Variants in PCTP observed in about 807,000 individuals in gnomAD.
PCTP encodes phosphatidylcholine transfer protein.
In PCTP, 27 loss-of-function variants were observed where a neutral mutation model predicts 31.0. The observed-to-expected ratio is 0.87, with a 90% CI of 0.64 to 1.20. The LOEUF is 1.20. Among genes scored for constraint, PCTP ranks in the 50% most tolerant of loss-of-function variants. The pLI, the probability that PCTP is intolerant of heterozygous loss-of-function variation, is 0.00. For synonymous variants in PCTP, 108 were observed against 101.2 expected (o/e 1.07, Z -0.40); for missense variants, 287 against 268.2 (o/e 1.07, Z -0.49).
intron 3 of PCTP, among the ~76,000 whole-genome samples, chr17:55,795,082 G>A (rs1015434570): frequency 6.6e-6 from 1 of 151,806 alleles, no homozygotes; most frequent in Non-Finnish European, 1.5e-5. Context: ...CTTTTCACCA[G>A]TGCCTAAAAC....
intron 3 of PCTP, among the ~76,000 whole-genome samples, chr17:55,803,380 A>G (rs1912454249): frequency 1.3e-5 from 2 of 152,214 alleles, no homozygotes; most frequent in African/African-American, 2.4e-5. Flanking sequence ...ATATGGAAAC[A>G]AAAAAGAGCC....
intron 3 of PCTP, among the ~76,000 whole-genome samples, chr17:55,803,931 G>A (rs62512799): frequency 4.1e-5 from 6 of 147,664 alleles, no homozygotes; most frequent in Non-Finnish European, 7.4e-5. Context: ...ACAGGCAACC[G>A]ACAGAATGGG....
At chr17:55,751,576 C>T (rs1410505008) in intron 1 of PCTP, 10 of 1,298,058 alleles carry the variant, frequency 7.7e-6, no homozygotes, top group Non-Finnish European at 1.0e-5. Flanking sequence ...GGACGTTGAT[C>T]CTCACTCTCC....
intron 3 of PCTP, among the ~76,000 whole-genome samples, chr17:55,803,869 T>A (rs1912477116): frequency 7.0e-6 from 1 of 143,034 alleles, no homozygotes. Context: ...TGGATCTAAT[T>A]AAACTAAAGA....
chr17:55,778,190 G>C (rs1331221712), downstream of PCTP, among the ~76,000 whole-genome samples: 1 of 145,466 alleles, frequency 6.9e-6, no homozygotes, highest in African/African-American at 2.6e-5. Context: ...AAACTCTTGA[G>C]CTATAGTAAG....
chr17:55,818,624 T>C (rs1460383447), intron 3 of PCTP, among the ~76,000 whole-genome samples: 2 of 152,138 alleles, frequency 1.3e-5, no homozygotes, highest in Admixed American at 6.5e-5. Flanking sequence ...AAAGTGGTCA[T>C]GAAATATTTG....
intron 1 of PCTP, among the ~76,000 whole-genome samples, chr17:55,763,381 A>G (rs566801428): frequency 6.6e-5 from 10 of 152,326 alleles, no homozygotes; most frequent in African/African-American, 1.9e-4. Flanking sequence ...TGTAAAAAGT[A>G]TAAAGAGCCT....
At chr17:55,849,830 C>G in the PCTP span, among the ~76,000 whole-genome samples, 1 of 151,900 alleles carries the variant, frequency 6.6e-6, no homozygotes, top group Non-Finnish European at 1.5e-5. Context: ...AAAATTTTAG[C>G]AAATTGAATT....
chr17:55,824,302 G>A (rs1905327215), downstream of PCTP, among the ~76,000 whole-genome samples: 1 of 151,656 alleles, frequency 6.6e-6, no homozygotes, highest in African/African-American at 2.4e-5. Context: ...CTAAGTGTAG[G>A]TGCCACTAAC....
intron 1 of PCTP, among the ~76,000 whole-genome samples, chr17:55,755,421 T>A (rs577322341): frequency 6.6e-6 from 1 of 152,302 alleles, no homozygotes; most frequent in South Asian, 2.1e-4. Context: ...AAAGTTACTG[T>A]TACATGTTTT....
chr17:55,758,904 GCCAAGCTTT>G (rs1910190930), intron 1 of PCTP, among the ~76,000 whole-genome samples: 5 of 152,210 alleles, frequency 3.3e-5, no homozygotes, highest in African/African-American at 1.2e-4. Context: ...CCAGGTATAA[GCCAAGCTTT>G]ATGCTCTCAC....
chr17:55,822,672 C>T (rs1381981158), intron 3 of PCTP: 4 of 573,382 alleles, frequency 7.0e-6, no homozygotes, highest in Admixed American at 4.4e-5. Context: ...ACTATCCAAA[C>T]CCCTTATTCT....
At chr17:55,804,812 T>C (rs899135192) in intron 3 of PCTP, among the ~76,000 whole-genome samples, 1 of 152,116 alleles carries the variant, frequency 6.6e-6, no homozygotes, top group Non-Finnish European at 1.5e-5. Flanking sequence ...TGTATACTTA[T>C]GTAACATACC....
chr17:55,798,008 G>C (rs1912239571), intron 3 of PCTP, among the ~76,000 whole-genome samples: 1 of 151,722 alleles, frequency 6.6e-6, no homozygotes, highest in South Asian at 2.1e-4. Context: ...TAAATAAAAA[G>C]ATGGAAAACT....
chr17:55,761,619 A>T (rs1910345158), intron 1 of PCTP, among the ~76,000 whole-genome samples: 2 of 147,912 alleles, frequency 1.4e-5, no homozygotes, highest in African/African-American at 2.5e-5. Context: ...GTAGAATAAT[A>T]TTTCTATATA....
intron 3 of PCTP, among the ~76,000 whole-genome samples, chr17:55,810,019 G>A (rs956834781): frequency 2.0e-5 from 3 of 151,780 alleles, no homozygotes; most frequent in Non-Finnish European, 4.4e-5. Flanking sequence ...AGCAAAGTCA[G>A]TATTACTATT....
chr17:55,760,364 A>G (rs907717335), intron 1 of PCTP, among the ~76,000 whole-genome samples: 1 of 152,254 alleles, frequency 6.6e-6, no homozygotes, highest in Non-Finnish European at 1.5e-5. Context: ...AATGGGAATG[A>G]TATCTAATAT....
chr17:55,809,287 C>T (rs1219031766), intron 3 of PCTP, among the ~76,000 whole-genome samples: 1 of 152,082 alleles, frequency 6.6e-6, no homozygotes, highest in Admixed American at 6.5e-5. Flanking sequence ...ACTTATTTTT[C>T]CTTTATTTGA....
intron 3 of PCTP, among the ~76,000 whole-genome samples, chr17:55,800,632 T>C (rs930517520): frequency 2.0e-5 from 3 of 152,090 alleles, no homozygotes; most frequent in African/African-American, 7.2e-5. Context: ...TGAGGAGTTG[T>C]GATCCTTTGG....
Sources: allele counts gnomAD v4.1 joint callset (sites outside exome capture counted in the v4.1 genomes callset), GRCh38; gene constraint gnomAD v4.1.1; transcripts MANE v1.5; gene names NCBI Gene and HGNC (gene_info 2026-07-23, HGNC 2026-07-21).